Variants in LRP1B observed in about 807,000 individuals in gnomAD.
The protein encoded by LRP1B is LDL receptor related protein 1B.
LRP1B carries 217 observed loss-of-function variants against 556.6 expected under a neutral mutation model. The observed-to-expected ratio is 0.39, with a 90% CI of 0.35 to 0.44. The LOEUF (loss-of-function observed/expected upper bound fraction) is 0.44, where lower values mean the gene tolerates loss of function less well. Among genes scored for constraint, LRP1B ranks in the 20% least tolerant of loss-of-function variants. The pLI, the probability that LRP1B is intolerant of heterozygous loss-of-function variation, is 1.00. For synonymous variants in LRP1B, 2,047 were observed against 1,865.8 expected (o/e 1.10, Z -2.50); for missense variants, 5,053 against 5,620.8 (o/e 0.90, Z 3.23).
At chr2:140,675,233 A>G (rs1559047984) in intron 41 of LRP1B, among the ~76,000 whole-genome samples, 2 of 152,232 alleles carry the variant, frequency 1.3e-5, no homozygotes, top group African/African-American at 4.8e-5. Context: ...TACCTTTGCA[A>G]CACTGTTTAC....
chr2:140,463,941 A>T (rs1324988667), intron 60 of LRP1B, among the ~76,000 whole-genome samples: 1 of 152,152 alleles, frequency 6.6e-6, no homozygotes, highest in Non-Finnish European at 1.5e-5. Context: ...CACGCCTGTA[A>T]TCCCAGCATT....
chr2:141,706,311 A>G (rs1662024356), intron 2 of LRP1B, among the ~76,000 whole-genome samples: 1 of 152,106 alleles, frequency 6.6e-6, no homozygotes, highest in African/African-American at 2.4e-5. Flanking sequence ...TAAATTGCTT[A>G]CATTCTTCAA....
intron 77 of LRP1B, among the ~76,000 whole-genome samples, chr2:140,337,042 C>T (rs755156034): frequency 6.6e-6 from 1 of 151,592 alleles, no homozygotes; most frequent in African/African-American, 2.4e-5. Flanking sequence ...TGTGTGGGTT[C>T]GGAGGAACCA....
intron 1 of LRP1B, among the ~76,000 whole-genome samples, chr2:141,964,618 G>A (rs1418673707): frequency 2.0e-5 from 3 of 151,698 alleles, no homozygotes; most frequent in Non-Finnish European, 3.0e-5. Context: ...AGATTTAAAC[G>A]TTAGACCTAA....
intron 1 of LRP1B, among the ~76,000 whole-genome samples, chr2:141,958,364 G>A (rs1353322267): frequency 5.3e-5 from 8 of 151,916 alleles, no homozygotes; most frequent in Admixed American, 5.3e-4. Flanking sequence ...CTCTCAGAAG[G>A]CTATGAAGTC....
chr2:141,256,014 A>C (rs1406837500), intron 3 of LRP1B, among the ~76,000 whole-genome samples: 1 of 152,040 alleles, frequency 6.6e-6, no homozygotes, highest in South Asian at 2.1e-4. Flanking sequence ...TCATTAAAAA[A>C]ATTACAATAT....
chr2:142,100,309 A>T (rs1706528506), intron 1 of LRP1B, among the ~76,000 whole-genome samples: 1 of 151,902 alleles, frequency 6.6e-6, no homozygotes, highest in South Asian at 2.1e-4. Context: ...TGAAGTTACC[A>T]TTACTGCAGT....
chr2:141,448,637 C>T (rs1305005608), intron 3 of LRP1B, among the ~76,000 whole-genome samples: 1 of 152,182 alleles, frequency 6.6e-6, no homozygotes, highest in Non-Finnish European at 1.5e-5. Context: ...ACGGCTTCCC[C>T]TGGCTAGGGG....
chr2:141,911,278 T>C (rs776742568), intron 1 of LRP1B, among the ~76,000 whole-genome samples: 1 of 152,204 alleles, frequency 6.6e-6, no homozygotes, highest in Non-Finnish European at 1.5e-5. Flanking sequence ...ACCACTTCTA[T>C]AATACTGTCA....
At chr2:142,106,637 C>T (rs924923637) in intron 1 of LRP1B, among the ~76,000 whole-genome samples, 3 of 152,046 alleles carry the variant, frequency 2.0e-5, no homozygotes, top group Non-Finnish European at 4.4e-5. Context: ...TGCCATTGCC[C>T]ACTGCAAACA....
intron 18 of LRP1B, among the ~76,000 whole-genome samples, chr2:140,963,010 T>C (rs958788087): frequency 2.0e-5 from 3 of 152,138 alleles, no homozygotes; most frequent in African/African-American, 7.2e-5. Context: ...AGACCTTACA[T>C]ATGCTGTAAT....
intron 18 of LRP1B, among the ~76,000 whole-genome samples, chr2:140,979,219 T>C (rs766048399): frequency 6.6e-6 from 1 of 152,170 alleles, no homozygotes; most frequent in Non-Finnish European, 1.5e-5. Context: ...CCTCAAGCGA[T>C]CTGCTCATCT....
At chr2:141,157,094 T>TTTTTTATGTTTATG (rs1198279465) in intron 7 of LRP1B, among the ~76,000 whole-genome samples, 5 of 152,102 alleles carry the variant, frequency 3.3e-5, no homozygotes, top group African/African-American at 1.2e-4. Context: ...ACGAAGATGT[T>TTTTTTATGTTTATG]TTATGTCACC....
intron 4 of LRP1B, among the ~76,000 whole-genome samples, chr2:141,253,443 C>CA (rs2105338087): frequency 6.6e-6 from 1 of 152,146 alleles, no homozygotes; most frequent in East Asian, 1.9e-4. Flanking sequence ...ATACACAAAG[C>CA]AAACAACAAA....
At position 141,293,760 on chromosome 2, in the gene LRP1B, C is replaced by T. The variant is rs1686073852; in HGVS notation, c.344-39119G>A. The stretch of plus-strand genomic sequence containing the variant: ...ATTTTTCAAAACTGAATTACTTGCC[C>T]TGTGACTAAGTAATCATCAATCTAA... On this transcript the variant is annotated intron_variant, in intron 3 of 90. Coordinates refer to ENST00000389484, the MANE Select transcript of LRP1B (RefSeq NM_018557.3). Among the ~76,000 whole-genome samples, 4 of 151,720 alleles carry T rather than the reference C, an allele frequency of 2.6e-5. No individual in the cohort carries two copies. The South Asian group carries it at 8.3e-4, about 31-fold the overall frequency.
rs763288059 is a variant in LRP1B at position 142,112,171 on chromosome 2, C to A, written c.82+18477G>T. 2.6e-4 allele frequency among the ~76,000 whole-genome samples: 39 copies of A among 152,070 alleles called. 2 individuals are homozygous for A. Among genetic ancestry groups the A allele is most frequent in the Middle Eastern group, 6.8e-3 (2 of 294 alleles). Reference sequence around the variant, plus strand: ...AAACATTCCGCCCAGAAATGCTCAACCTTACTCTAGTCTAGGCGATAGATC... The same window carrying A: ...AAACATTCCGCCCAGAAATGCTCAAACTTACTCTAGTCTAGGCGATAGATC... On this transcript the variant is annotated intron_variant, in intron 1 of 90. Coordinates refer to ENST00000389484, the MANE Select transcript of LRP1B (RefSeq NM_018557.3).
chr2:140,976,102 T>A (rs113880189), intron 18 of LRP1B, among the ~76,000 whole-genome samples: 3,547 of 152,022 alleles, frequency 0.023, 69 homozygotes, highest in South Asian at 0.034. Context: ...GTATTTTTTG[T>A]AGAGATGGGA....
At chr2:141,285,318 A>G (rs1403966155) in intron 3 of LRP1B, among the ~76,000 whole-genome samples, 2 of 151,354 alleles carry the variant, frequency 1.3e-5, no homozygotes, top group Non-Finnish European at 2.9e-5. Flanking sequence ...CGAACTCCTG[A>G]CCTCGTTTTC....
At chr2:141,251,143 T>C (rs1299811245) in intron 4 of LRP1B, among the ~76,000 whole-genome samples, 1 of 152,078 alleles carries the variant, frequency 6.6e-6, no homozygotes, top group Non-Finnish European at 1.5e-5. Context: ...AAATGATACA[T>C]AAATAGGAAG....
Sources: gnomAD v4.1 joint callset for allele counts (sites outside exome capture counted in the v4.1 genomes callset) on GRCh38, gnomAD v4.1.1 for gene constraint, MANE v1.5 for transcripts, NCBI Gene and HGNC (gene_info 2026-07-23, HGNC 2026-07-21) for gene names.